The following MLIP variants were observed in gnomAD, a reference collection of about 807,000 sequenced individuals.
MLIP encodes muscular LMNA-interacting protein.
A neutral mutation model predicts 84.8 loss-of-function variants in MLIP; 79 were observed. The ratio of observed to expected loss-of-function variants is 0.93; its 90% confidence interval spans 0.78 to 1.12. The LOEUF is 1.12. MLIP is among the 50% of genes most tolerant of loss of function. The pLI, the probability that MLIP is intolerant of heterozygous loss-of-function variation, is 0.00. For missense variants in MLIP, 1,257 were observed against 1,160.6 expected (o/e 1.08, Z -1.21); for synonymous variants, 504 against 463.0 (o/e 1.09, Z -1.14).
chr6:54,205,187 A>T (rs1032195347), intron 11 of MLIP, among the ~76,000 whole-genome samples: 1 of 152,244 alleles, frequency 6.6e-6, no homozygotes, highest in South Asian at 2.1e-4. Context: ...CTGCTTAAAA[A>T]ATAACTTGAA....
intron 11 of MLIP, among the ~76,000 whole-genome samples, chr6:54,207,984 A>T (rs1389275897): frequency 1.3e-5 from 2 of 152,120 alleles, no homozygotes; most frequent in East Asian, 3.9e-4. Flanking sequence ...AAAAATCAGC[A>T]GGGTGTGGTG....
At chr6:54,257,072 G>A (rs567382011) in intron 12 of MLIP, among the ~76,000 whole-genome samples, 4 of 152,192 alleles carry the variant, frequency 2.6e-5, no homozygotes, top group Non-Finnish European at 5.9e-5. Flanking sequence ...TAGAGTTGAT[G>A]TGTGACATAA....
At chr6:54,203,151 T>C (rs1374384488) in intron 11 of MLIP, among the ~76,000 whole-genome samples, 3 of 152,234 alleles carry the variant, frequency 2.0e-5, no homozygotes, top group Non-Finnish European at 4.4e-5. Flanking sequence ...GAATTGTCAA[T>C]GGTGCTTTAT....
At chr6:54,112,667 A>T (rs1351293149) in intron 1 of MLIP, among the ~76,000 whole-genome samples, 1 of 57,418 alleles carries the variant, frequency 1.7e-5, no homozygotes, top group East Asian at 3.9e-4. Flanking sequence ...CAACTAAAAT[A>T]AAAAAAAATT....
chr6:54,175,771 G>C (rs1776221832), intron 9 of MLIP, among the ~76,000 whole-genome samples: 1 of 151,870 alleles, frequency 6.6e-6, no homozygotes, highest in African/African-American at 2.4e-5. Context: ...GTTATGTATT[G>C]AATAACAGTG....
intron 1 of MLIP, among the ~76,000 whole-genome samples, chr6:54,027,952 G>A (rs951885539): frequency 1.6e-4 from 25 of 152,104 alleles, no homozygotes; most frequent in African/African-American, 2.9e-4. Flanking sequence ...TACGTGTGGC[G>A]AAATATTTTC....
intron 12 of MLIP, among the ~76,000 whole-genome samples, chr6:54,236,580 C>T (rs1036904649): frequency 6.8e-6 from 1 of 147,406 alleles, no homozygotes; most frequent in Non-Finnish European, 1.5e-5. Context: ...CCAGCCTGGG[C>T]AATAAGAGCG....
intron 1 of MLIP, among the ~76,000 whole-genome samples, chr6:54,120,529 G>A (rs895019574): frequency 6.6e-6 from 1 of 152,118 alleles, no homozygotes; most frequent in African/African-American, 2.4e-5. Context: ...AGGAGCCACC[G>A]CTCCCGGCTG....
At position 54,240,826 on chromosome 6, in the gene MLIP, A is replaced by C. The variant is rs1781686186; in HGVS notation, c.2922+9909A>C. On this transcript the variant is annotated intron_variant, in intron 12 of 13. Transcript: ENST00000502396. ...CCCATCTCTACTAAAAATAGAAAAA[A>C]TGAGCTGGGCGTGGTGGCACGCACC... Among the ~76,000 whole-genome samples, 4 of 152,254 alleles carry C rather than the reference A, an allele frequency of 2.6e-5. No homozygotes were observed. The South Asian group carries it at 8.3e-4, about 32-fold the overall frequency.
intron 9 of MLIP, among the ~76,000 whole-genome samples, chr6:54,187,865 G>C (rs969337662): frequency 1.3e-5 from 2 of 152,138 alleles, no homozygotes. Flanking sequence ...AAATTAGCCA[G>C]GTGTGGCAGC....
At chr6:54,091,154 A>G (rs548746958) in intron 1 of MLIP, among the ~76,000 whole-genome samples, 21 of 152,066 alleles carry the variant, frequency 1.4e-4, no homozygotes, top group East Asian at 3.9e-4. Flanking sequence ...CCCTGGGGGG[A>G]AAAAATCACC....
At chr6:54,175,352 A>T (rs928154891) in intron 9 of MLIP, among the ~76,000 whole-genome samples, 32 of 152,058 alleles carry the variant, frequency 2.1e-4, no homozygotes, top group Non-Finnish European at 4.0e-4. Flanking sequence ...ACATTATAAC[A>T]ATATTGATTC....
At chr6:54,023,200 T>A (rs373434018) in intron 1 of MLIP, among the ~76,000 whole-genome samples, 1 of 150,778 alleles carries the variant, frequency 6.6e-6, no homozygotes, top group Non-Finnish European at 1.5e-5. Context: ...ATAATAATGA[T>A]AACAAGAAGA....
chr6:54,030,378 A>G (rs1581988905), intron 1 of MLIP, among the ~76,000 whole-genome samples: 1 of 152,294 alleles, frequency 6.6e-6, no homozygotes, highest in South Asian at 2.1e-4. Flanking sequence ...TGCTTCATAG[A>G]ATTAATTTAA....
chr6:54,233,113 G>A (rs1054112905), intron 12 of MLIP, among the ~76,000 whole-genome samples: 2 of 152,174 alleles, frequency 1.3e-5, no homozygotes, highest in African/African-American at 4.8e-5. Context: ...GAATAAAACA[G>A]TACAACTGCC....
chr6:54,105,082 T>A (rs1768915388), intron 1 of MLIP, among the ~76,000 whole-genome samples: 1 of 152,000 alleles, frequency 6.6e-6, no homozygotes, highest in Non-Finnish European at 1.5e-5. Flanking sequence ...CCTGAGAAAA[T>A]AAGTGACTCA....
chr6:54,179,214 A>G (rs114885023), intron 9 of MLIP, among the ~76,000 whole-genome samples: 3,058 of 152,192 alleles, frequency 0.02, 38 homozygotes, highest in Non-Finnish European at 0.033. Flanking sequence ...AAGTATAGCT[A>G]CTTGTGCTCT....
intron 1 of MLIP, chr6:54,063,275 C>T (rs1335370240): frequency 1.3e-5 from 2 of 151,334 alleles, no homozygotes; most frequent in African/African-American, 4.9e-5. Context: ...ACCCATATTT[C>T]TCAGATCCCT....
chr6:54,215,163 C>T (rs1171509016), intron 11 of MLIP: 1 of 1,535,654 alleles, frequency 6.5e-7, no homozygotes, highest in South Asian at 1.2e-5. Flanking sequence ...TGGACTCCTA[C>T]TGCAACGGAA....
Sources: gnomAD v4.1 joint callset for allele counts (sites outside exome capture counted in the v4.1 genomes callset) on GRCh38, gnomAD v4.1.1 for gene constraint, MANE v1.5 for transcripts, NCBI Gene and HGNC (gene_info 2026-07-23, HGNC 2026-07-21) for gene names.